The following EIF2AK1 variants were observed in gnomAD, a reference collection of about 807,000 sequenced individuals.
The protein encoded by EIF2AK1 is eukaryotic translation initiation factor 2 alpha kinase 1.
In EIF2AK1, 54 loss-of-function variants were observed where a neutral mutation model predicts 77.9. That is an observed-to-expected ratio of 0.69 (90% CI 0.56 to 0.87). The LOEUF is 0.87. Ranked by LOEUF, EIF2AK1 falls within the 40% of genes least tolerant of loss-of-function variation. The pLI, the probability that EIF2AK1 is intolerant of heterozygous loss-of-function variation, is 0.00. For missense variants in EIF2AK1, 810 were observed against 768.6 expected, an observed-to-expected ratio of 1.05 and a Z score of -0.64; for synonymous variants, 314 against 290.5, an observed-to-expected ratio of 1.08 and a Z score of -0.82.
At chr7:6,042,132 G>C (rs139080018) in intron 8 of EIF2AK1, among the ~76,000 whole-genome samples, 33 of 152,224 alleles carry the variant, frequency 2.2e-4, no homozygotes, top group African/African-American at 6.7e-4. Context: ...CTGGACAAAA[G>C]AGCAAGATCC....
At position 6,045,733 on chromosome 7, in the gene EIF2AK1, T is replaced by TTATATATATATATATATATATATATATA. The variant is rs57579824; in HGVS notation, c.630+337_630+338insTATATATATATATATATATATATATATA. On this transcript the variant is annotated intron_variant, in intron 6 of 14. Coordinates refer to ENST00000199389, the MANE Select transcript of EIF2AK1 (RefSeq NM_014413.4). ...TTAAGAAGTTAACATATTTTAAAAA[T>TTATATATATATATATATATATATATATA]TATATATATATATATATATAAATTA... 2.2e-3 allele frequency among the ~76,000 whole-genome samples: 309 copies of TTATATATATATATATATATATATATATA among 137,822 alleles called. 1 individual carries two copies. The highest frequency in any genetic ancestry group is 0.014 in the East Asian group (52 of 3,720). 90.4% of individuals were successfully genotyped at this position (137,822 alleles called of 152,430 possible). A position where few individuals can be genotyped will look rare whatever the true frequency, so the allele number is the denominator to read the frequency against.
chr7:6,031,452 C>T, intron 11 of EIF2AK1: 9 of 1,550,796 alleles, frequency 5.8e-6, no homozygotes, highest in South Asian at 1.2e-5. Context: ...GGCCCATCTG[C>T]AGCACTTCAC....
In EIF2AK1 at chr7:6,040,910, G is replaced by A; in HGVS notation, c.1101C>T (p.Asn367=). The change falls in exon 9 of 15, where the codon AAC becomes AAT. Residue 367 remains asparagine (N), a synonymous_variant. Coordinates refer to ENST00000199389, the MANE Select transcript of EIF2AK1 (RefSeq NM_014413.4). The part of the protein sequence containing the change: ...STEESSEENV[N]FLGQTEAQYH... ...AATCTACCTCTGTCTGACCCAAAAAGTTGACATTTTCTTCGGAAGATTCTT... is the reference window on the plus strand; with the variant it reads ...AATCTACCTCTGTCTGACCCAAAAAATTGACATTTTCTTCGGAAGATTCTT... 6.2e-7 allele frequency: 1 copy of A among 1,614,110 alleles called. No homozygotes were observed. Among genetic ancestry groups the A allele is most frequent in the Non-Finnish European group, 8.5e-7 (1 of 1,179,988 alleles).
intron 2 of EIF2AK1, among the ~76,000 whole-genome samples, chr7:6,052,896 G>A (rs1479349922): frequency 2.0e-5 from 3 of 152,032 alleles, no homozygotes; most frequent in African/African-American, 7.2e-5. Flanking sequence ...CCGGGGGGCG[G>A]AGATTGCAGT....
chr7:6,037,501 C>T lies in EIF2AK1; in HGVS notation c.1255G>A (p.Ala419Thr). Residue 419 changes from alanine (A) to threonine (T), a missense_variant, in exon 11 of 15, where the codon GCA (alanine) becomes ACA (threonine). Transcript: ENST00000199389. ...SACPYVMANVATKIFQELVEG... is the reference protein window; with the variant it reads ...SACPYVMANVTTKIFQELVEG... ...ACCAATTCTTGAAAAATTTTTGTTG[C>T]AACATTGGCCATAACATAAGGACCT... 2 of 1,611,164 alleles carry T rather than the reference C, an allele frequency of 1.2e-6. No homozygotes were observed. Among genetic ancestry groups the T allele is most frequent in the Non-Finnish European group, 1.7e-6 (2 of 1,178,264 alleles).
rs1787936393 is a variant in EIF2AK1, at chr7:6,032,300, T to C, written c.1333-3268A>G. On this transcript the variant is annotated intron_variant, in intron 11 of 14. Coordinates refer to ENST00000199389, the MANE Select transcript of EIF2AK1 (RefSeq NM_014413.4). This position sits in a 1 kb window ranked among gnomAD's most constrained non-coding sequence, Gnocchi z 4.3. ...AAGGAAGTCACCCTCCCTTGTACCC[T>C]ACTGTCTTATCTTGCAGCCACGGTG... Among the ~76,000 whole-genome samples, 2 of 152,256 alleles carry C rather than the reference T, an allele frequency of 1.3e-5. No individual in the cohort carries two copies. Among genetic ancestry groups the C allele is most frequent in the South Asian group, 4.1e-4 (2 of 4,838 alleles).
intron 2 of EIF2AK1, 21 bp downstream of exon 2, chr7:6,054,525 G>A (rs199683775): frequency 9.9e-6 from 16 of 1,612,074 alleles, no homozygotes; most frequent in Non-Finnish European, 1.3e-5. Context: ...TATTTAGCAA[G>A]ATTCATTTAT....
chr7:6,050,671 C>T (rs1399822017), intron 2 of EIF2AK1, among the ~76,000 whole-genome samples: 1 of 146,452 alleles, frequency 6.8e-6, no homozygotes, highest in African/African-American at 2.5e-5. Context: ...GGCGCGATCT[C>T]GGCTCACTGC....
Position 6,036,102 on chromosome 7 carries a change from G to GT in EIF2AK1, c.1332+1321dup. On this transcript the variant is annotated intron_variant, in intron 11 of 14. Transcript: ENST00000199389. The surrounding 1 kb of genome is among the most constrained non-coding windows in gnomAD (Gnocchi z 4.6). The stretch of plus-strand genomic sequence containing the variant: ...TATGTACCTTCAGCGCAGTTGCAAT[G>GT]TAAGAGATACGGCACTTCTGGCCAG... 6.4e-7 allele frequency: 1 copy of GT among 1,550,894 alleles called. No homozygotes were observed.
At chr7:6,056,570 G>C (rs1788768551) in intron 1 of EIF2AK1, among the ~76,000 whole-genome samples, 1 of 107,028 alleles carries the variant, frequency 9.3e-6, no homozygotes, top group African/African-American at 3.2e-5. Flanking sequence ...CTCCAGCCTG[G>C]GCAACAGAGG....
intron 11 of EIF2AK1, among the ~76,000 whole-genome samples, chr7:6,034,657 T>G (rs1788024835): frequency 6.6e-6 from 1 of 152,202 alleles, no homozygotes; most frequent in African/African-American, 2.4e-5. Context: ...ATCCATAGCC[T>G]AGGGCCTCAC....
chr7:6,050,852 C>T (rs1788589813), intron 2 of EIF2AK1, among the ~76,000 whole-genome samples: 2 of 152,054 alleles, frequency 1.3e-5, no homozygotes, highest in African/African-American at 4.8e-5. Context: ...ATCCACCCAC[C>T]TTGGCCTCCC....
rs1787972108 is a variant in EIF2AK1, at chr7:6,033,339, C to T, written c.1332+4085G>A. On this transcript the variant is annotated intron_variant, in intron 11 of 14. Transcript: ENST00000199389. This position sits in a 1 kb window ranked among gnomAD's most constrained non-coding sequence, Gnocchi z 4.4. ...TTTTTTTCAGTTCATACATTTTTTC[C>T]ACTTATGTTTGGACTTGTTCGTTCT... Among the ~76,000 whole-genome samples, 1 of 152,030 alleles carries T rather than the reference C, an allele frequency of 6.6e-6. No individual in the cohort carries two copies. Among genetic ancestry groups the T allele is most frequent in the South Asian group, 2.1e-4 (1 of 4,832 alleles).
intron 1 of EIF2AK1, among the ~76,000 whole-genome samples, chr7:6,056,685 C>G (rs973832246): frequency 7.2e-6 from 1 of 139,802 alleles, no homozygotes; most frequent in Admixed American, 7.4e-5. Flanking sequence ...GGCCATATGT[C>G]AGCACAACAG....
Position 6,033,299 on chromosome 7 carries a change from T to C in EIF2AK1, c.1332+4125A>G, listed in dbSNP as rs1424863227. On this transcript the variant is annotated intron_variant, in intron 11 of 14. Coordinates refer to ENST00000199389, the MANE Select transcript of EIF2AK1 (RefSeq NM_014413.4). This position sits in a 1 kb window ranked among gnomAD's most constrained non-coding sequence, Gnocchi z 4.4. ...TGACAATCATTTCTAAGTGAGGATA[T>C]ACCTGATATAGATTTTTTTTTCAGT... Among the ~76,000 whole-genome samples the C allele has an allele frequency of 6.6e-6, 1 of 152,206 alleles. No homozygotes were observed. Among genetic ancestry groups the C allele is most frequent in the Non-Finnish European group, 1.5e-5 (1 of 68,040 alleles).
chr7:6,058,860 C>T, intron 1 of EIF2AK1, 106 bp downstream of exon 1: 2 of 1,063,328 alleles, frequency 1.9e-6, no homozygotes, highest in African/African-American at 1.7e-5. Context: ...CTGGAGGCAG[C>T]CAAAGTCGCC....
In EIF2AK1 at chr7:6,033,660, C is replaced by G. The variant is rs1787980295; in HGVS notation, c.1332+3764G>C. Among the ~76,000 whole-genome samples, 1 of 152,180 alleles carries G rather than the reference C, an allele frequency of 6.6e-6. No homozygotes were observed. Among genetic ancestry groups the G allele is most frequent in the South Asian group, 2.1e-4 (1 of 4,818 alleles). On this transcript the variant is annotated intron_variant, in intron 11 of 14. Coordinates refer to ENST00000199389, the MANE Select transcript of EIF2AK1 (RefSeq NM_014413.4). The surrounding 1 kb of genome is among the most constrained non-coding windows in gnomAD (Gnocchi z 4.4). ...GGCTGGAGTGCAGTGGCACCATTCT[C>G]CTGGGTTCACGCCATTCTCCTGCCT... is the stretch of plus-strand genomic sequence containing the variant.
chr7:6,038,981 C>G (rs1034151294), intron 9 of EIF2AK1, among the ~76,000 whole-genome samples: 1 of 152,048 alleles, frequency 6.6e-6, no homozygotes, highest in Admixed American at 6.6e-5. Context: ...TCAACTGTGA[C>G]CCGGAGAAAC....
chr7:6,051,493 G>A (rs1006761547), intron 2 of EIF2AK1, among the ~76,000 whole-genome samples: 22 of 151,862 alleles, frequency 1.4e-4, no homozygotes, highest in Admixed American at 4.6e-4. Context: ...GCAGTGGAGC[G>A]ATCTCAGATC....
Sources: gnomAD v4.1 joint callset for allele counts (sites outside exome capture counted in the v4.1 genomes callset) on GRCh38, gnomAD v4.1.1 for gene constraint, Gnocchi (gnomAD v3.1) non-coding constraint, MANE v1.5 for transcripts, NCBI Gene and HGNC (gene_info 2026-07-23, HGNC 2026-07-21) for gene names.